The following ACAN variants were observed in gnomAD, a reference collection of about 807,000 sequenced individuals.
The protein encoded by ACAN is aggrecan, also known as aggrecan core protein.
A neutral mutation model predicts 169.1 loss-of-function variants in ACAN; 47 were observed. That is an observed-to-expected ratio of 0.28 (90% CI 0.22 to 0.35). The LOEUF is 0.35. Among genes scored for constraint, ACAN ranks in the 10% least tolerant of loss-of-function variants. ACAN has a pLI of 1.00. For synonymous variants in ACAN, 1,115 were observed against 1,112.2 expected (o/e 1.00, Z -0.05); for missense variants, 2,716 against 2,759.9 (o/e 0.98, Z 0.36).
intron 1 of ACAN, among the ~76,000 whole-genome samples, chr15:88,835,795 C>A (rs1896487531): frequency 6.6e-6 from 1 of 152,180 alleles, no homozygotes; most frequent in Admixed American, 6.5e-5. Flanking sequence ...GGACCATCTG[C>A]TTTATTCAAT....
intron 1 of ACAN, among the ~76,000 whole-genome samples, chr15:88,811,146 G>A (rs943701734): frequency 6.6e-6 from 1 of 152,162 alleles, no homozygotes; most frequent in Admixed American, 6.5e-5. Flanking sequence ...AGGTGAAAAG[G>A]ATCTCATCCC....
At chr15:88,833,930 C>T (rs754841309) in intron 1 of ACAN, among the ~76,000 whole-genome samples, 12 of 152,154 alleles carry the variant, frequency 7.9e-5, no homozygotes, top group Non-Finnish European at 1.6e-4. Context: ...GAAGAACAGG[C>T]GGGCCTTGTG....
chr15:88,849,544 C>T lies in ACAN; in HGVS notation c.1839C>T (p.Ala613=), dbSNP rs188044698. 538 of 1,604,932 alleles carry T rather than the reference C, an allele frequency of 3.4e-4. 2 individuals are homozygous for T. In the East Asian group the frequency reaches 5.7e-3, roughly 17 times the overall value. ...ATLATTGQLY[A]AWSRGLDKCY... ...TGGCCACCACGGGCCAGCTCTACGC[C>T]GCCTGGAGCCGCGGCCTGGACAAGT... Residue 613 remains alanine (A), a synonymous_variant, in exon 10 of 19, where the codon GCC becomes GCT. Transcript: ENST00000560601. This position sits in a 1 kb window ranked among gnomAD's most constrained non-coding sequence, Gnocchi z 5.1.
rs556415695 is a variant in ACAN at position 88,825,517 on chromosome 15, C to T, written c.-7-10683C>T. ...AATTCAGGTTGTGTTCTTAAGATACCCACCTTCTAGTGTACCATGTTATCT... is the reference window on the plus strand; with the variant it reads ...AATTCAGGTTGTGTTCTTAAGATACTCACCTTCTAGTGTACCATGTTATCT... On this transcript the variant is annotated intron_variant, in intron 1 of 18. Transcript: ENST00000560601. 2.6e-5 allele frequency among the ~76,000 whole-genome samples: 4 copies of T among 152,200 alleles called. No individual in the cohort carries two copies. The East Asian group carries it at 7.7e-4, about 29-fold the overall frequency.
intron 1 of ACAN, among the ~76,000 whole-genome samples, chr15:88,805,623 C>G (rs1411622352): frequency 6.6e-6 from 1 of 152,180 alleles, no homozygotes; most frequent in African/African-American, 2.4e-5. Flanking sequence ...ACAGCGGGTA[C>G]TCAATAAACA....
At chr15:88,836,368 G>A in intron 2 of ACAN, 92 bp downstream of exon 2, 1 of 1,146,214 alleles carries the variant, frequency 8.7e-7, no homozygotes, top group East Asian at 2.5e-5. Context: ...ACTGGTCCCA[G>A]GGATATAATT....
At chr15:88,835,977 T>C (rs1239937165) in intron 1 of ACAN, among the ~76,000 whole-genome samples, 2 of 152,216 alleles carry the variant, frequency 1.3e-5, no homozygotes, top group African/African-American at 4.8e-5. Context: ...AGGTTAGGTT[T>C]ATTAGCCTAA....
At chr15:88,826,284 A>G (rs1475636488) in intron 1 of ACAN, among the ~76,000 whole-genome samples, 1 of 152,078 alleles carries the variant, frequency 6.6e-6, no homozygotes, top group Non-Finnish European at 1.5e-5. Context: ...GCTCTTGAAA[A>G]AGCTCATCCT....
chr15:88,822,550 T>C (rs899650772), intron 1 of ACAN, among the ~76,000 whole-genome samples: 49 of 151,658 alleles, frequency 3.2e-4, no homozygotes, highest in Non-Finnish European at 6.8e-4. Flanking sequence ...CACTGCAACC[T>C]CCGCCTCCCA....
At chr15:88,867,052 T>C (rs1309889744) in intron 13 of ACAN, among the ~76,000 whole-genome samples, 1 of 152,164 alleles carries the variant, frequency 6.6e-6, no homozygotes, top group African/African-American at 2.4e-5. Flanking sequence ...CATAATAGCA[T>C]TTATCATGTT....
chr15:88,846,147 C>A (rs200032979), intron 7 of ACAN, among the ~76,000 whole-genome samples: 1 of 152,202 alleles, frequency 6.6e-6, no homozygotes, highest in African/African-American at 2.4e-5. Flanking sequence ...ACATGTGCCA[C>A]ATAGTTCTAA....
At chr15:88,832,010 C>G (rs185399716) in intron 1 of ACAN, among the ~76,000 whole-genome samples, 118 of 152,200 alleles carry the variant, frequency 7.8e-4, no homozygotes, top group African/African-American at 2.7e-3. Flanking sequence ...TATAATGTGG[C>G]TGAGCCATTT....
In ACAN at chr15:88,859,366, T is replaced by A; in HGVS notation, c.6781T>A (p.Ser2261Thr). Reference sequence around the variant, plus strand: ...AACAGCCACCTCCCCAACAGATGCTTCCATCCCAGCTTCTCCGGAATGGAA... The same window carrying A: ...AACAGCCACCTCCCCAACAGATGCTACCATCCCAGCTTCTCCGGAATGGAA... ...VETATSPTDA[S>T]IPASPEWKRE... Residue 2261 changes from serine (S) to threonine (T), a missense_variant, in exon 12 of 19, where the codon TCC becomes ACC. This residue lies in a region of ACAN where 1,389 missense variants were observed against 1,363.7 expected (regional missense o/e 1.02). Coordinates refer to ENST00000560601, the MANE Select transcript of ACAN (RefSeq NM_001369268.1). 2 of 1,582,498 alleles carry A rather than the reference T, an allele frequency of 1.3e-6. No individual in the cohort carries two copies. The highest frequency in any genetic ancestry group is 1.7e-6 in the Non-Finnish European group (2 of 1,163,990).
intron 13 of ACAN, among the ~76,000 whole-genome samples, chr15:88,862,613 G>C (rs971705200): frequency 6.6e-6 from 1 of 152,170 alleles, no homozygotes; most frequent in African/African-American, 2.4e-5. Flanking sequence ...CAAGGTTCAA[G>C]TGCTTCCAGA....
rs1481552274 is a variant in ACAN, at chr15:88,872,998, C to T, written c.7420C>T (p.Leu2474Phe). 1 of 1,613,394 alleles carries T rather than the reference C, an allele frequency of 6.2e-7. No homozygotes were observed. The highest frequency in any genetic ancestry group is 1.7e-5 in the Admixed American group (1 of 59,950). The stretch of plus-strand genomic sequence containing the variant: ...GAATGATGTTCCCTGCAATTACCAC[C>T]TCCCCTTCACGTGTAAAAAGGGCAC... ...EWNDVPCNYH[L>F]PFTCKKGTVA... is the part of the protein sequence containing the mutation. The change falls in exon 17 of 19, where the codon CTC becomes TTC. Residue 2474 changes from leucine to phenylalanine, a missense_variant. Physicochemically the swap from Leu to Phe is conservative, Grantham distance 22 (BLOSUM62 0). Transcript: ENST00000560601. The surrounding 1 kb of genome is among the most constrained non-coding windows in gnomAD (Gnocchi z 5.4).
chr15:88,845,387 T>C, intron 6 of ACAN, 118 bp from the exon 7 acceptor site: 1 of 1,419,230 alleles, frequency 7.0e-7, no homozygotes, highest in Non-Finnish European at 9.4e-7. Context: ...CACACAGTGG[T>C]GCCCTCCTGC....
At position 88,857,019 on chromosome 15, in the gene ACAN, G is replaced by T; in HGVS notation, c.4434G>T (p.Glu1478Asp). ...TTCCTTCTGGAGGAGAAGTTCTAGA[G>T]ATTTCTGTCTCTGGAGTAGAGGACA... The part of the protein sequence containing the change: ...SGLPSGGEVL[E>D]ISVSGVEDIS... Residue 1478 changes from glutamate to aspartate, a missense_variant, in exon 12 of 19, where the codon GAG (glutamate) becomes GAT (aspartate). Glu to Asp is a conservative substitution (Grantham distance 45). Around this residue, in one of 3 missense-constraint regions of ACAN, gnomAD observed 1,389 missense variants for 1,363.7 expected, o/e 1.02. Coordinates refer to ENST00000560601, the MANE Select transcript of ACAN (RefSeq NM_001369268.1). The T allele has an allele frequency of 1.9e-6, 3 of 1,613,476 alleles. No homozygotes were observed. Among genetic ancestry groups the T allele is most frequent in the South Asian group, 2.2e-5 (2 of 91,072 alleles).
In ACAN at chr15:88,858,851, C is replaced by G. The variant is rs1457959304; in HGVS notation, c.6266C>G (p.Ser2089Cys). Residue 2089 changes from serine to cysteine, a missense_variant, in exon 12 of 19, where the codon TCT (serine) becomes TGT (cysteine). Coordinates refer to ENST00000560601, the MANE Select transcript of ACAN (RefSeq NM_001369268.1). The surrounding 1 kb of genome is among the most constrained non-coding windows in gnomAD (Gnocchi z 4.0). ...GGAGCTACCCCAGTGCTCCCTGGGT[C>G]TGGAGTAGAAGTATCATCAGTCCCA... ...ISGATPVLPG[S>C]GVEVSSVPES... 4.3e-6 allele frequency: 7 copies of G among 1,613,372 alleles called. No individual in the cohort carries two copies. The highest frequency in any genetic ancestry group is 5.9e-6 in the Non-Finnish European group (7 of 1,179,588).
chr15:88,845,989 TG>T, intron 7 of ACAN, 107 bp downstream of exon 7: 1 of 1,232,588 alleles, frequency 8.1e-7, no homozygotes, highest in African/African-American at 1.5e-5. Flanking sequence ...ACCTGGCACG[TG>T]GGACAATGTT....
Sources: allele counts gnomAD v4.1 joint callset (sites outside exome capture counted in the v4.1 genomes callset), GRCh38; gene constraint gnomAD v4.1.1; regional missense constraint gnomAD v4.1.1; non-coding constraint Gnocchi (gnomAD v3.1); transcripts MANE v1.5; gene names NCBI Gene and HGNC (gene_info 2026-07-23, HGNC 2026-07-21).